Variants in FRMPD2 observed in about 807,000 individuals in gnomAD.
The protein encoded by FRMPD2 is FERM and PDZ domain containing 2.
A neutral mutation model predicts 140.1 loss-of-function variants in FRMPD2; 96 were observed. The ratio of observed to expected loss-of-function variants is 0.69; its 90% CI spans 0.58 to 0.81. The LOEUF is 0.81. FRMPD2 is among the 40% of genes least tolerant of loss of function. The pLI is 0.00. For missense variants in FRMPD2, 1,240 were observed against 1,447.4 expected (o/e 0.86, Z 2.32); for synonymous variants, 449 against 547.6 (o/e 0.82, Z 2.52).
chr10:48,271,825 C>G (rs566796960), intron 1 of FRMPD2, among the ~76,000 whole-genome samples: 4 of 152,318 alleles, frequency 2.6e-5, no homozygotes, highest in Admixed American at 2.6e-4. Flanking sequence ...GAGCAGGCTC[C>G]GAGGTCAGAG....
chr10:48,249,119 A>C lies in FRMPD2; in HGVS notation c.211T>G (p.Ser71Ala). 3 of 1,614,128 alleles carry C rather than the reference A, an allele frequency of 1.9e-6. No individual in the cohort carries two copies. The Middle Eastern group carries it at 5.0e-4, about 268-fold the overall frequency. ...ATATGAGAAACACGGCCTTGGAAAG[A>C]AAGGCTTCCAGCTGCAGAAAGCAGG... The part of the protein sequence containing the change: ...SALLSAAGSL[S>A]FQGRVSHIEA... The change falls in exon 3 of 29, where the codon TCT becomes GCT. Residue 71 changes from serine (S) to alanine (A), a missense_variant. By Grantham distance (99) the Ser-to-Ala change is moderately conservative. This residue lies in a region of FRMPD2 where 1,161 missense variants were observed against 1,055.9 expected (regional missense o/e 1.10). Coordinates refer to ENST00000374201, the MANE Select transcript of FRMPD2 (RefSeq NM_001018071.4).
In FRMPD2 at chr10:48,181,887, T is replaced by TACACACACACACACACAC. The variant is rs56127751; in HGVS notation, c.2585-897_2585-880dup. On this transcript the variant is annotated intron_variant, in intron 20 of 28. Transcript: ENST00000374201. ...TATATATATATATATATGGCTCTCA[T>TACACACACACACACACAC]ACACACACACACACACACACACACA... is the stretch of plus-strand genomic sequence containing the variant. Among the ~76,000 whole-genome samples the TACACACACACACACACAC allele has an allele frequency of 9.1e-4, 102 of 111,500 alleles. 2 individuals are homozygous for TACACACACACACACACAC. The highest frequency in any genetic ancestry group is 1.1e-3 in the Non-Finnish European group (59 of 52,814). The allele number at this position is 111,500 out of a possible 152,430, so 73.1% of individuals were successfully genotyped here. A position where few individuals can be genotyped will look rare whatever the true frequency, so the allele number is the denominator to read the frequency against.
intron 1 of FRMPD2, among the ~76,000 whole-genome samples, chr10:48,257,152 C>A (rs1243164541): frequency 6.6e-6 from 1 of 151,824 alleles, no homozygotes. Flanking sequence ...GTCACATCGC[C>A]TTCTCCTCTT....
chr10:48,253,484 C>G (rs1256893680), intron 1 of FRMPD2, among the ~76,000 whole-genome samples: 3 of 152,106 alleles, frequency 2.0e-5, no homozygotes, highest in African/African-American at 7.2e-5. Context: ...ACTAGCCACA[C>G]CAGCCTCAAA....
intron 27 of FRMPD2, among the ~76,000 whole-genome samples, chr10:48,168,254 A>T (rs1215659187): frequency 8.6e-6 from 1 of 115,710 alleles, no homozygotes; most frequent in Non-Finnish European, 1.7e-5. Context: ...CATCTCTCAG[A>T]ATGGAAATTC....
Position 48,211,954 on chromosome 10 carries a change from C to T in FRMPD2, c.1611G>A (p.Arg537=). ...WGEDAELKFL[R]VTQQLPEYGV... ...TCTCTCCAGGTCAGGAAGGCCTTAC[C>T]CTCAAGAACTTCAGCTCAGCATCCT... The change falls in exon 13 of 29, where the codon AGG becomes AGA. Residue 537 remains arginine (R), a splice_region_variant and synonymous_variant. Coordinates refer to ENST00000374201, the MANE Select transcript of FRMPD2 (RefSeq NM_001018071.4). The T allele has an allele frequency of 6.2e-7, 1 of 1,613,112 alleles. No individual in the cohort carries two copies. Among genetic ancestry groups the T allele is most frequent in the Non-Finnish European group, 8.5e-7 (1 of 1,179,654 alleles).
Position 48,170,759 on chromosome 10 carries a change from G to T in FRMPD2, c.3438+235C>A, listed in dbSNP as rs1374575841. On this transcript the variant is annotated intron_variant, in intron 26 of 28. Coordinates refer to ENST00000374201, the MANE Select transcript of FRMPD2 (RefSeq NM_001018071.4). ...CACAAAGGCCAGGGCTTTATCTTCA[G>T]CTTCTCTCATGAACCCAGTGAGAAG... Among the ~76,000 whole-genome samples the T allele has an allele frequency of 2.0e-5, 3 of 151,576 alleles. No homozygotes were observed. In the East Asian group the frequency reaches 5.8e-4, roughly 29 times the overall value.
intron 28 of FRMPD2, chr10:48,159,306 G>C: frequency 2.2e-6 from 1 of 453,504 alleles, no homozygotes; most frequent in South Asian, 1.6e-5. Context: ...AATCTGAGCT[G>C]AAGTACAATA....
intron 15 of FRMPD2, among the ~76,000 whole-genome samples, chr10:48,193,148 A>G (rs1838876687): frequency 6.6e-6 from 1 of 152,230 alleles, no homozygotes; most frequent in South Asian, 2.1e-4. Flanking sequence ...CAGGACGCAG[A>G]GCCAAAGAGC....
At position 48,257,182 on chromosome 10, in the gene FRMPD2, C is replaced by CTT. The variant is rs771272537; in HGVS notation, c.26-5493_26-5492dup. 1.5e-3 allele frequency among the ~76,000 whole-genome samples: 215 copies of CTT among 144,186 alleles called. 1 individual carries two copies. The East Asian group carries it at 0.018, about 12-fold the overall frequency. The allele number at this position is 144,186 out of a possible 152,430, so 94.6% of individuals were successfully genotyped here. ...CCTCTTCTGTTTTAAATCTCCCAGT[C>CTT]TTTTTTTTTTTTTCTGCCTGTAACA... On this transcript the variant is annotated intron_variant, in intron 1 of 28. Coordinates refer to ENST00000374201, the MANE Select transcript of FRMPD2 (RefSeq NM_001018071.4).
intron 10 of FRMPD2, among the ~76,000 whole-genome samples, chr10:48,227,978 G>A (rs1425985707): frequency 1.3e-5 from 2 of 152,118 alleles, no homozygotes; most frequent in African/African-American, 4.8e-5. Context: ...AAAAGCGTAT[G>A]TATGTTTAAG....
chr10:48,237,955 T>C (rs199848556), intron 8 of FRMPD2, 36 bp downstream of exon 8: 2 of 1,613,648 alleles, frequency 1.2e-6, no homozygotes, highest in East Asian at 4.5e-5. Flanking sequence ...TGCTCAAGCC[T>C]CCTTGAGGAG....
chr10:48,254,213 G>A (rs1165523405), intron 1 of FRMPD2, among the ~76,000 whole-genome samples: 2 of 152,250 alleles, frequency 1.3e-5, no homozygotes, highest in African/African-American at 4.8e-5. Flanking sequence ...GCAGTGGCAA[G>A]TTGGTTTCTG....
At chr10:48,209,356 A>G (rs1450148108) in intron 13 of FRMPD2, among the ~76,000 whole-genome samples, 2 of 152,236 alleles carry the variant, frequency 1.3e-5, no homozygotes, top group Non-Finnish European at 2.9e-5. Flanking sequence ...TTATTCTGAG[A>G]TTAATAAGCT....
chr10:48,185,411 A>G (rs543282363), intron 18 of FRMPD2, 142 bp downstream of exon 18: 4 of 634,076 alleles, frequency 6.3e-6, no homozygotes, highest in East Asian at 5.4e-5. Flanking sequence ...GAGAAAAAAA[A>G]CAGAAGTGAT....
intron 1 of FRMPD2, among the ~76,000 whole-genome samples, chr10:48,265,856 C>T (rs570780752): frequency 1.3e-5 from 2 of 152,262 alleles, no homozygotes. Flanking sequence ...CCAGCAATCC[C>T]ACTACTGGGT....
At chr10:48,217,073 A>G (rs372084465) in intron 12 of FRMPD2, among the ~76,000 whole-genome samples, 4 of 152,210 alleles carry the variant, frequency 2.6e-5, no homozygotes, top group African/African-American at 9.6e-5. Flanking sequence ...TCCAGTATCC[A>G]TGGACCAGGG....
chr10:48,265,893 G>A (rs868744405), intron 1 of FRMPD2, among the ~76,000 whole-genome samples: 47 of 151,924 alleles, frequency 3.1e-4, no homozygotes, highest in African/African-American at 8.0e-4. Flanking sequence ...ATAAATCGTC[G>A]TATCATAAAG....
chr10:48,220,688 A>G (rs1839563832), intron 12 of FRMPD2, among the ~76,000 whole-genome samples: 1 of 152,224 alleles, frequency 6.6e-6, no homozygotes, highest in Non-Finnish European at 1.5e-5. Flanking sequence ...CAATCTATAC[A>G]TCCAACAAAG....
Sources: allele counts gnomAD v4.1 joint callset (sites outside exome capture counted in the v4.1 genomes callset), GRCh38; gene constraint gnomAD v4.1.1; regional missense constraint gnomAD v4.1.1; transcripts MANE v1.5; gene names NCBI Gene and HGNC (gene_info 2026-07-23, HGNC 2026-07-21).